TRPM1: variants seen among roughly 807,000 people sequenced by gnomAD.
TRPM1 encodes transient receptor potential cation channel subfamily M member 1, also known as TRPM1-203 APA Isoform, Intron 10.
A neutral mutation model predicts 149.4 loss-of-function variants in TRPM1; 113 were observed. The observed-to-expected ratio is 0.76, with a 90% CI of 0.65 to 0.88. TRPM1 has a LOEUF of 0.88. TRPM1 is among the 40% of genes least tolerant of loss of function. The pLI is 0.00. For synonymous variants in TRPM1, 741 were observed against 759.5 expected (o/e 0.98, Z 0.40); for missense variants, 1,976 against 2,038.7 (o/e 0.97, Z 0.59).
chr15:31,002,234 G>A lies in TRPM1; in HGVS notation c.4466C>T (p.Thr1489Met), dbSNP rs756982108. ...TTGAACTTGGCATTGCCATTCCGTC[G>A]TCAATTGCTGGTCCGTGATTGAACT... is the stretch of plus-strand genomic sequence containing the variant. ...EYSSITDQQL[T>M]TEWQCQVQKI... Residue 1489 changes from threonine to methionine, a missense_variant, in exon 28 of 28, where the codon ACG (threonine) becomes ATG (methionine). By Grantham distance (81) the Thr-to-Met change is moderately conservative. This residue lies in a region of TRPM1 where 572 missense variants were observed against 578.9 expected (regional missense o/e 0.99). Transcript: ENST00000256552. 22 of 1,614,076 alleles carry A rather than the reference G, an allele frequency of 1.4e-5. No homozygotes were observed. Among genetic ancestry groups the A allele is most frequent in the South Asian group, 3.3e-5 (3 of 91,088 alleles).
At chr15:31,072,852 T>C (rs1303597414) in intron 3 of TRPM1, among the ~76,000 whole-genome samples, 1 of 152,102 alleles carries the variant, frequency 6.6e-6, no homozygotes, top group African/African-American at 2.4e-5. Context: ...CTTTGCCCAT[T>C]TAAAAAACTT....
chr15:31,135,617 T>C (rs2036077574), intron 1 of TRPM1, among the ~76,000 whole-genome samples: 1 of 152,038 alleles, frequency 6.6e-6, no homozygotes, highest in Admixed American at 6.6e-5. Flanking sequence ...GTGTTGGAGG[T>C]GGGGCCTAGT....
At chr15:31,152,935 A>G (rs2036323162) in intron 1 of TRPM1, among the ~76,000 whole-genome samples, 1 of 152,188 alleles carries the variant, frequency 6.6e-6, no homozygotes, top group African/African-American at 2.4e-5. Flanking sequence ...GAGCCACTGC[A>G]CCCAGCCTAA....
chr15:31,121,510 A>T (rs987837254), intron 1 of TRPM1, among the ~76,000 whole-genome samples: 3 of 152,194 alleles, frequency 2.0e-5, no homozygotes, highest in African/African-American at 7.2e-5. Context: ...GATCCAATGG[A>T]CATTAAAAGG....
chr15:31,117,516 T>C (rs1412655583), intron 1 of TRPM1, among the ~76,000 whole-genome samples: 2 of 149,566 alleles, frequency 1.3e-5, no homozygotes, highest in Non-Finnish European at 3.0e-5. Context: ...AGCATGGAGG[T>C]GCAAGCCTGT....
chr15:31,114,803 G>A (rs1265629725), intron 1 of TRPM1, among the ~76,000 whole-genome samples: 1 of 152,160 alleles, frequency 6.6e-6, no homozygotes, highest in Non-Finnish European at 1.5e-5. Context: ...ATTTGTAATA[G>A]ACTTAACAAA....
At chr15:31,066,833 C>T (rs946144345) in intron 6 of TRPM1, among the ~76,000 whole-genome samples, 5 of 152,076 alleles carry the variant, frequency 3.3e-5, no homozygotes, top group African/African-American at 1.2e-4. Context: ...GAAAGGGCAA[C>T]AGGAGGGATC....
intron 27 of TRPM1, among the ~76,000 whole-genome samples, chr15:31,019,700 C>T (rs569145928): frequency 6.6e-6 from 1 of 151,872 alleles, no homozygotes; most frequent in African/African-American, 2.4e-5. Flanking sequence ...CCATGCCTGG[C>T]TAATTTTTGT....
In TRPM1 at chr15:31,070,122, T is replaced by G. The variant is rs1459356765; in HGVS notation, c.188A>C (p.Lys63Thr). The stretch of plus-strand genomic sequence containing the variant: ...CTGGGTGTGCTTGGCAACAGACCAT[T>G]TCTCAGGCTGAGTCTCCACCTGTTT... ...ESKQVETQPE[K>T]WSVAKHTQSY... Residue 63 changes from lysine to threonine, a missense_variant, in exon 4 of 28, where the codon AAA becomes ACA. Lys to Thr is a moderately conservative substitution (Grantham distance 78). Transcript: ENST00000256552. 1 of 1,614,114 alleles carries G rather than the reference T, an allele frequency of 6.2e-7. No homozygotes were observed.
chr15:31,066,210 CTTAG>C lies in TRPM1; in HGVS notation c.652_655del (p.Leu218ValfsTer28), dbSNP rs2034371648. 1 of 1,614,048 alleles carries C rather than the reference CTTAG, an allele frequency of 6.2e-7. No homozygotes were observed. The highest frequency in any genetic ancestry group is 1.3e-5 in the African/African-American group (1 of 74,914). ...GGAGTTGTTGAGCACAGAGAGCTTA[CTTAG>C]AGGGTTGGACATGGTCTGGTACACT... On this transcript the variant is annotated frameshift_variant, in exon 7 of 28. Transcript: ENST00000256552. LOFTEE classifies it high-confidence loss of function.
intron 11 of TRPM1, among the ~76,000 whole-genome samples, chr15:31,051,256 G>T (rs1377373917): frequency 6.6e-6 from 1 of 152,186 alleles, no homozygotes; most frequent in Admixed American, 6.5e-5. Context: ...AGTGTGTCCT[G>T]GTGCAGACAC....
At chr15:31,024,018 C>A (rs936165306) in intron 27 of TRPM1, among the ~76,000 whole-genome samples, 1 of 151,866 alleles carries the variant, frequency 6.6e-6, no homozygotes, top group Non-Finnish European at 1.5e-5. Flanking sequence ...TAATGGGTAC[C>A]CATCCTGTGT....
At chr15:31,068,141 C>T (rs545521710) in intron 4 of TRPM1, 49 bp from the exon 5 acceptor site, 8 of 1,539,562 alleles carry the variant, frequency 5.2e-6, no homozygotes, top group African/African-American at 4.1e-5. Flanking sequence ...TTTTGCTTCT[C>T]GTGTCAAAGG....
chr15:31,113,387 C>T (rs925840999), intron 1 of TRPM1, among the ~76,000 whole-genome samples: 4 of 151,666 alleles, frequency 2.6e-5, no homozygotes, highest in Non-Finnish European at 4.4e-5. Flanking sequence ...CGGGGTTCTC[C>T]AAAGGGTCAC....
chr15:31,075,147 T>G (rs765278842), intron 3 of TRPM1, among the ~76,000 whole-genome samples: 1 of 152,234 alleles, frequency 6.6e-6, no homozygotes, highest in Non-Finnish European at 1.5e-5. Context: ...GTGTTTTCTA[T>G]TGTTACTGGG....
chr15:31,103,415 C>T (rs2035553578), upstream of TRPM1, among the ~76,000 whole-genome samples: 1 of 152,212 alleles, frequency 6.6e-6, no homozygotes, highest in South Asian at 2.1e-4. Context: ...ATTGCCAAGA[C>T]TTGTGATAAT....
chr15:31,054,477 T>C (rs1252339996), intron 11 of TRPM1, among the ~76,000 whole-genome samples: 1 of 152,100 alleles, frequency 6.6e-6, no homozygotes, highest in Non-Finnish European at 1.5e-5. Context: ...GTATTTTTAG[T>C]AGAGACGGGG....
At chr15:31,109,333 C>CAAAAAAAAAAAAAAAAAAAAAAAAA (rs36072024) in intron 1 of TRPM1, among the ~76,000 whole-genome samples, 2 of 32,300 alleles carry the variant, frequency 6.2e-5, no homozygotes, top group Non-Finnish European at 1.2e-4. Flanking sequence ...GACTCTGCCT[C>CAAAAAAAAAAAAAAAAAAAAAAAAA]AAAAAAAAAA....
At chr15:31,053,717 C>T (rs544477986) in intron 11 of TRPM1, among the ~76,000 whole-genome samples, 7 of 152,208 alleles carry the variant, frequency 4.6e-5, no homozygotes, top group Admixed American at 2.6e-4. Flanking sequence ...ATAGGATTAC[C>T]GTGTGATCAA....
Sources: allele counts gnomAD v4.1 joint callset (sites outside exome capture counted in the v4.1 genomes callset), GRCh38; gene constraint gnomAD v4.1.1; regional missense constraint gnomAD v4.1.1; transcripts MANE v1.5; gene names NCBI Gene and HGNC (gene_info 2026-07-23, HGNC 2026-07-21).